MGST1: variants seen among roughly 807,000 people sequenced by gnomAD.
MGST1 encodes the protein glutathione S-transferase 12.
Under a neutral mutation model 8.9 loss-of-function variants are expected in MGST1, and 5 were observed. The observed-to-expected ratio is 0.56, with a 90% CI of 0.29 to 1.19. MGST1 has a LOEUF of 1.19. Ranked by LOEUF, MGST1 falls within the 50% of genes most tolerant of loss-of-function variation. MGST1 has a pLI of 0.08. For missense variants in MGST1, 182 were observed against 187.4 expected, an observed-to-expected ratio of 0.97 and a Z score of 0.17; for synonymous variants, 54 against 67.8, an observed-to-expected ratio of 0.80 and a Z score of 1.00.
At chr12:16,375,753 C>T (rs983931759) in intron 3 of MGST1, among the ~76,000 whole-genome samples, 1 of 151,612 alleles carries the variant, frequency 6.6e-6, no homozygotes, top group Admixed American at 6.6e-5. Context: ...TGTGTTTTAT[C>T]TAAAACAAAA....
intron 4 of MGST1, among the ~76,000 whole-genome samples, chr12:16,572,045 C>T (rs954225097): frequency 1.3e-5 from 2 of 151,828 alleles, no homozygotes; most frequent in Admixed American, 6.6e-5. Flanking sequence ...TAGATGAACT[C>T]CTTTTTGGAA....
intron 4 of MGST1, among the ~76,000 whole-genome samples, chr12:16,543,232 CA>C (rs1356539352): frequency 3.3e-5 from 5 of 152,128 alleles, no homozygotes; most frequent in Non-Finnish European, 1.5e-5. Context: ...TGCTAAATAT[CA>C]GAAGCAGAGG....
chr12:16,380,806 G>T (rs1206987230), downstream of MGST1, among the ~76,000 whole-genome samples: 1 of 152,138 alleles, frequency 6.6e-6, no homozygotes, highest in Non-Finnish European at 1.5e-5. Flanking sequence ...CTGATGACTT[G>T]CTTTATGAAT....
At chr12:16,353,872 G>A (rs1329715073) in intron 1 of MGST1, among the ~76,000 whole-genome samples, 1 of 147,434 alleles carries the variant, frequency 6.8e-6, no homozygotes, top group African/African-American at 2.5e-5. Flanking sequence ...CAATTCTCCT[G>A]CCTCAGTCTC....
At position 16,413,593 on chromosome 12, in the gene MGST1, C is replaced by T. The variant is rs1298908679; in HGVS notation, n.779-23795C>T. On this transcript the variant is annotated intron_variant and non_coding_transcript_variant, in intron 1 of 1. Transcript: ENST00000359720. The surrounding 1 kb of genome is among the most constrained non-coding windows in gnomAD (Gnocchi z 4.0). The stretch of plus-strand genomic sequence containing the variant: ...TTCCCTTTTATCCCCTCCCCAGGTC[C>T]AGTGAGTAAACTCTCACTTATCCTT... Among the ~76,000 whole-genome samples, 1 of 152,182 alleles carries T rather than the reference C, an allele frequency of 6.6e-6. No individual in the cohort carries two copies. The highest frequency in any genetic ancestry group is 1.5e-5 in the Non-Finnish European group (1 of 68,026).
At chr12:16,557,256 A>T (rs1942225587) in intron 4 of MGST1, among the ~76,000 whole-genome samples, 2 of 152,172 alleles carry the variant, frequency 1.3e-5, no homozygotes, top group African/African-American at 2.4e-5. Flanking sequence ...CAAAGGACAT[A>T]AACTGCCTAC....
At chr12:16,470,521 C>T (rs933499217) in intron 4 of MGST1, among the ~76,000 whole-genome samples, 8 of 152,108 alleles carry the variant, frequency 5.3e-5, no homozygotes, top group South Asian at 2.1e-4. Flanking sequence ...TCACTGGTTT[C>T]GGGAAGAAGG....
At chr12:16,561,848 C>G (rs1186073015) in intron 4 of MGST1, among the ~76,000 whole-genome samples, 2 of 152,136 alleles carry the variant, frequency 1.3e-5, no homozygotes, top group African/African-American at 4.8e-5. Flanking sequence ...GCATAAGCGC[C>G]TTGAAGGTAG....
intron 4 of MGST1, among the ~76,000 whole-genome samples, chr12:16,563,305 T>G (rs901008146): frequency 2.6e-5 from 4 of 152,260 alleles, no homozygotes; most frequent in Admixed American, 1.3e-4. Flanking sequence ...ACATTCGAGT[T>G]CTCTTTTTTC....
At chr12:16,439,389 GT>G (rs1313567567), downstream of MGST1, among the ~76,000 whole-genome samples, 2 of 151,844 alleles carry the variant, frequency 1.3e-5, no homozygotes, top group Non-Finnish European at 2.9e-5. Context: ...TGTCTTCTAT[GT>G]TTGGAGTAGT....
At chr12:16,495,302 CTG>C (rs1407434526) in intron 4 of MGST1, among the ~76,000 whole-genome samples, 1 of 151,944 alleles carries the variant, frequency 6.6e-6, no homozygotes, top group Non-Finnish European at 1.5e-5. Flanking sequence ...ACAGTAGAAA[CTG>C]GGGACAAATA....
chr12:16,439,085 A>G (rs953764598), downstream of MGST1, among the ~76,000 whole-genome samples: 4 of 150,412 alleles, frequency 2.7e-5, no homozygotes, highest in East Asian at 2.0e-4. Flanking sequence ...TTAGTGTAAT[A>G]TAAATTGTAT....
At chr12:16,414,071 A>ATAAT (rs200278639) in intron 1 of MGST1, among the ~76,000 whole-genome samples, 120 of 151,656 alleles carry the variant, frequency 7.9e-4, no homozygotes, top group South Asian at 1.5e-3. Flanking sequence ...ACAAAAAAAA[A>ATAAT]AATAATAATA....
chr12:16,455,525 T>C (rs1941165408), intron 4 of MGST1, among the ~76,000 whole-genome samples: 1 of 151,788 alleles, frequency 6.6e-6, no homozygotes, highest in Non-Finnish European at 1.5e-5. Flanking sequence ...TTATTAAGGA[T>C]TGGGTCCATG....
chr12:16,483,518 C>T (rs2137147656), intron 4 of MGST1, among the ~76,000 whole-genome samples: 1 of 152,084 alleles, frequency 6.6e-6, no homozygotes, highest in East Asian at 1.9e-4. Context: ...ATGTTAACAA[C>T]CATATTCTAA....
At chr12:16,542,507 T>G (rs1941798347) in intron 4 of MGST1, among the ~76,000 whole-genome samples, 1 of 152,210 alleles carries the variant, frequency 6.6e-6, no homozygotes, top group African/African-American at 2.4e-5. Context: ...TTTGCTACAT[T>G]AGCTATAATA....
chr12:16,485,885 G>A (rs1358312470), intron 4 of MGST1, among the ~76,000 whole-genome samples: 3 of 152,114 alleles, frequency 2.0e-5, no homozygotes, highest in Non-Finnish European at 4.4e-5. Flanking sequence ...TTCAAAGAAG[G>A]TAGAAAAAAA....
At chr12:16,423,012 C>G in intron 1 of MGST1, among the ~76,000 whole-genome samples, 1 of 152,170 alleles carries the variant, frequency 6.6e-6, no homozygotes, top group East Asian at 1.9e-4. Flanking sequence ...TGAACTCTAG[C>G]AGCCTTCTTT....
intron 3 of MGST1, chr12:16,370,312 C>A (rs185836136): frequency 6.6e-6 from 1 of 152,098 alleles, no homozygotes; most frequent in South Asian, 2.1e-4. Flanking sequence ...ACAGCCTTAT[C>A]GCCTCTATAA....
Sources: gnomAD v4.1 joint callset for allele counts (sites outside exome capture counted in the v4.1 genomes callset) on GRCh38, gnomAD v4.1.1 for gene constraint, Gnocchi (gnomAD v3.1) non-coding constraint, MANE v1.5 for transcripts, NCBI Gene and HGNC (gene_info 2026-07-23, HGNC 2026-07-21) for gene names.